Variants in PLAGL2 observed in about 807,000 individuals in gnomAD.
PLAGL2 encodes PLAG1 like zinc finger 2.
Under a neutral mutation model 29.0 loss-of-function variants are expected in PLAGL2, and 7 were observed. That is an observed-to-expected ratio of 0.24 (90% CI 0.14 to 0.45). PLAGL2 has a LOEUF of 0.45. Ranked by LOEUF, PLAGL2 falls within the 20% of genes least tolerant of loss-of-function variation. The probability of loss-of-function intolerance (pLI) is 0.99; values close to 1 mark genes in which losing one functional copy is unlikely to be tolerated. For missense variants in PLAGL2, 454 were observed against 648.2 expected, an observed-to-expected ratio of 0.70 and a Z score of 3.25; for synonymous variants, 234 against 266.0, an observed-to-expected ratio of 0.88 and a Z score of 1.17.
At position 32,196,424 on chromosome 20, in the gene PLAGL2, A is replaced by C. The variant is rs1192724248; in HGVS notation, c.*28T>G. 6.9e-7 allele frequency: 1 copy of C among 1,444,404 alleles called. No individual in the cohort carries two copies. Among genetic ancestry groups the C allele is most frequent in the Non-Finnish European group, 9.1e-7 (1 of 1,096,174 alleles). The allele number at this position is 1,444,404 out of a possible 1,614,324, so 89.5% of individuals were successfully genotyped here. A position where few individuals can be genotyped will look rare whatever the true frequency, so the allele number is the denominator to read the frequency against. The stretch of plus-strand genomic sequence containing the variant: ...GTACTAAGGCTCCATAACAGAGCCA[A>C]AAACTGAGCTGAGGGCCTCTGTGGG... On this transcript the variant is annotated 3_prime_UTR_variant, in exon 3 of 3. Transcript: ENST00000246229.
intron 2 of PLAGL2, among the ~76,000 whole-genome samples, chr20:32,201,397 GA>G (rs141648882): frequency 6.6e-6 from 1 of 151,990 alleles, no homozygotes; most frequent in East Asian, 1.9e-4. Flanking sequence ...CCAGCCTGGG[GA>G]ACACAGCCAC....
Position 32,201,907 on chromosome 20 carries a change from A to T in PLAGL2, c.260+12T>A. 1 of 1,607,278 alleles carries T rather than the reference A, an allele frequency of 6.2e-7. No individual in the cohort carries two copies. The highest frequency in any genetic ancestry group is 8.5e-7 in the Non-Finnish European group (1 of 1,174,730). On this transcript the variant is annotated intron_variant, in intron 2 of 2. Transcript: ENST00000246229. ...ACCTCAGGGCAGGAAGAGATATGAG[A>T]GTGTCACCTACCTATACAGCTTGTA...
rs2047214910 is a variant in PLAGL2 at position 32,193,943 on chromosome 20, G to C, written c.*2509C>G. 1 of 152,920 alleles carries C rather than the reference G, an allele frequency of 6.5e-6. No homozygotes were observed. The highest frequency in any genetic ancestry group is 2.1e-4 in the South Asian group (1 of 4,836). The allele number at this position is 152,920 out of a possible 1,614,324, so 9.5% of individuals were successfully genotyped here. On this transcript the variant is annotated 3_prime_UTR_variant, in exon 3 of 3. Coordinates refer to ENST00000246229, the MANE Select transcript of PLAGL2 (RefSeq NM_002657.3). ...TGCTGAGGACACTGAGAGGAGGAAAGGAAAGACAGGATAGATGGGAGGACA... is the reference window on the plus strand; with the variant it reads ...TGCTGAGGACACTGAGAGGAGGAAACGAAAGACAGGATAGATGGGAGGACA...
At chr20:32,198,354 G>A (rs1600374647) in intron 2 of PLAGL2, among the ~76,000 whole-genome samples, 1 of 152,160 alleles carries the variant, frequency 6.6e-6, no homozygotes, top group South Asian at 2.1e-4. Flanking sequence ...ATACCTAAAC[G>A]TGCAGTCTGG....
At chr20:32,206,262 C>G (rs557966497) in intron 1 of PLAGL2, among the ~76,000 whole-genome samples, 2 of 152,196 alleles carry the variant, frequency 1.3e-5, no homozygotes, top group Admixed American at 1.3e-4. Context: ...CCTTCCCCCC[C>G]GCCCACTCCA....
Position 32,193,775 on chromosome 20 carries a change from T to A in PLAGL2, c.*2677A>T, listed in dbSNP as rs1320038317. ...CAACCAGGCCACTAAGGCTTTTTTT[T>A]TCTTTCCCCCCGACCCCCCAGATTT... On this transcript the variant is annotated 3_prime_UTR_variant, in exon 3 of 3. Coordinates refer to ENST00000246229, the MANE Select transcript of PLAGL2 (RefSeq NM_002657.3). 1 of 153,500 alleles carries A rather than the reference T, an allele frequency of 6.5e-6. No individual in the cohort carries two copies. Among genetic ancestry groups the A allele is most frequent in the Non-Finnish European group, 1.5e-5 (1 of 68,836 alleles). The allele number at this position is 153,500 out of a possible 1,614,324, so 9.5% of individuals were successfully genotyped here.
At chr20:32,202,329 T>G in intron 1 of PLAGL2, 37 bp from the exon 2 acceptor site, 1 of 693,826 alleles carries the variant, frequency 1.4e-6, no homozygotes, top group Non-Finnish European at 2.4e-6. Context: ...GGGAGCCCAA[T>G]ACCATGAGAA....
chr20:32,198,631 C>A (rs372358737), intron 2 of PLAGL2, among the ~76,000 whole-genome samples: 1 of 152,096 alleles, frequency 6.6e-6, no homozygotes, highest in Non-Finnish European at 1.5e-5. Flanking sequence ...AGCAAGACTC[C>A]GTCTCTAAAT....
At chr20:32,201,042 G>T (rs1373494756) in intron 2 of PLAGL2, among the ~76,000 whole-genome samples, 1 of 152,208 alleles carries the variant, frequency 6.6e-6, no homozygotes, top group East Asian at 1.9e-4. Context: ...AGCTGCCCCA[G>T]TGGGCAACAG....
intron 1 of PLAGL2, among the ~76,000 whole-genome samples, chr20:32,204,830 A>T (rs1600378493): frequency 6.6e-6 from 1 of 152,222 alleles, no homozygotes; most frequent in South Asian, 2.1e-4. Context: ...CTGGTCTCAC[A>T]TTTTAATCTT....
In PLAGL2 at chr20:32,207,703, C is replaced by A. The variant is rs2047297788; in HGVS notation, c.-177G>T. 7.1e-6 allele frequency: 2 copies of A among 283,428 alleles called. No individual in the cohort carries two copies. Among genetic ancestry groups the A allele is most frequent in the Non-Finnish European group, 1.2e-5 (2 of 167,462 alleles). 17.6% of individuals were successfully genotyped at this position (283,428 alleles called of 1,614,324 possible). On this transcript the variant is annotated 5_prime_UTR_variant, in exon 1 of 3. Coordinates refer to ENST00000246229, the MANE Select transcript of PLAGL2 (RefSeq NM_002657.3). ...CGGGCTCCGCCAGGCCCCCTCAGGC[C>A]CCGGTAGTGGCGGCGGTCGGGCCAT... is the stretch of plus-strand genomic sequence containing the variant.
chr20:32,196,626 C>A lies in PLAGL2; in HGVS notation c.1317G>T (p.Met439Ile). ...NPPGATGGLV[M>I]GYSQAEAQPL... Reference sequence around the variant, plus strand: ...GCTGTGCCTCAGCCTGGGAGTAGCCCATGACCAGGCCTCCTGTGGCCCCAG... The same window carrying A: ...GCTGTGCCTCAGCCTGGGAGTAGCCAATGACCAGGCCTCCTGTGGCCCCAG... Residue 439 changes from methionine to isoleucine, a missense_variant, in exon 3 of 3, where the codon ATG becomes ATT. Physicochemically the swap from Met to Ile is conservative, Grantham distance 10. This residue lies in a region of PLAGL2 where 247 missense variants were observed against 350.3 expected (regional missense o/e 0.71). Transcript: ENST00000246229. The A allele has an allele frequency of 6.5e-7, 1 of 1,531,152 alleles. No individual in the cohort carries two copies. The highest frequency in any genetic ancestry group is 8.8e-7 in the Non-Finnish European group (1 of 1,142,066). 94.8% of individuals were successfully genotyped at this position (1,531,152 alleles called of 1,614,324 possible). A position where few individuals can be genotyped will look rare whatever the true frequency, so the allele number is the denominator to read the frequency against.
At position 32,196,300 on chromosome 20, in the gene PLAGL2, C is replaced by G. The variant is rs1344227281; in HGVS notation, c.*152G>C. 2.2e-6 allele frequency: 1 copy of G among 464,938 alleles called. No homozygotes were observed. Among genetic ancestry groups the G allele is most frequent in the Non-Finnish European group, 3.7e-6 (1 of 272,502 alleles). The allele number at this position is 464,938 out of a possible 1,614,324, so 28.8% of individuals were successfully genotyped here. A position where few individuals can be genotyped will look rare whatever the true frequency, so the allele number is the denominator to read the frequency against. On this transcript the variant is annotated 3_prime_UTR_variant, in exon 3 of 3. Coordinates refer to ENST00000246229, the MANE Select transcript of PLAGL2 (RefSeq NM_002657.3). ...CTGGAATCGATCCTAGAGCCTGAAC[C>G]CCCAAACCAAGTGCTCCTGTATACA... is the stretch of plus-strand genomic sequence containing the variant.
Position 32,196,485 on chromosome 20 carries a change from G to A in PLAGL2, c.1458C>T (p.Thr486=), listed in dbSNP as rs748587253. The change falls in exon 3 of 3, where the codon ACC becomes ACT. Residue 486 remains threonine, a synonymous_variant. Transcript: ENST00000246229. The stretch of plus-strand genomic sequence containing the variant: ...ATGCTTGATGGAAACGAGGCAGGGT[G>A]GTGCTACTCAGGCCAGACGTGAAGA... ...PPVFTSGLSS[T]TLPRFHQAFQ is the part of the protein sequence containing the mutation. 10 of 1,498,904 alleles carry A rather than the reference G, an allele frequency of 6.7e-6. No individual in the cohort carries two copies. The highest frequency in any genetic ancestry group is 8.9e-7 in the Non-Finnish European group (1 of 1,125,314). The allele number at this position is 1,498,904 out of a possible 1,614,324, so 92.9% of individuals were successfully genotyped here.
At position 32,196,722 on chromosome 20, in the gene PLAGL2, G is replaced by C. The variant is rs2047230613; in HGVS notation, c.1221C>G (p.Leu407=). 6.3e-7 allele frequency: 1 copy of C among 1,579,976 alleles called. No individual in the cohort carries two copies. The highest frequency in any genetic ancestry group is 1.3e-5 in the African/African-American group (1 of 74,304). ...GGGAGAAGTCCACATTAGCAGCGCA[G>C]AGGGCCTCAGAGAGGTTGGCGGGGC... The part of the protein sequence containing the change: ...AKSPANLSEA[L]CAANVDFSHL... The change falls in exon 3 of 3, where the codon CTC becomes CTG. Residue 407 remains leucine, a synonymous_variant. Transcript: ENST00000246229.
chr20:32,198,502 T>A (rs995361651), intron 2 of PLAGL2, among the ~76,000 whole-genome samples: 1 of 152,124 alleles, frequency 6.6e-6, no homozygotes, highest in Non-Finnish European at 1.5e-5. Flanking sequence ...TAGATGGGCA[T>A]GGCAGCATGC....
At chr20:32,207,085 T>C (rs555923413) in intron 1 of PLAGL2, among the ~76,000 whole-genome samples, 1 of 152,216 alleles carries the variant, frequency 6.6e-6, no homozygotes, top group East Asian at 1.9e-4. Flanking sequence ...CCTGGGAGTA[T>C]GGCCACTGAG....
Position 32,207,222 on chromosome 20 carries a change from G to A in PLAGL2, c.-115+419C>T, listed in dbSNP as rs188724475. Among the ~76,000 whole-genome samples, 18 of 152,284 alleles carry A rather than the reference G, an allele frequency of 1.2e-4. No individual in the cohort carries two copies. In the East Asian group the frequency reaches 2.9e-3, roughly 25 times the overall value. ...GAGCGGGCTATCTGGAGCAGGAAAG[G>A]GGGTTATGTGGGTCTGGGTAGGCGT... is the stretch of plus-strand genomic sequence containing the variant. On this transcript the variant is annotated intron_variant, in intron 1 of 2. Coordinates refer to ENST00000246229, the MANE Select transcript of PLAGL2 (RefSeq NM_002657.3).
intron 1 of PLAGL2, among the ~76,000 whole-genome samples, chr20:32,204,080 C>T (rs1173142624): frequency 6.6e-6 from 1 of 152,136 alleles, no homozygotes; most frequent in Admixed American, 6.5e-5. Context: ...GTTTGTAATA[C>T]CAGCAATTAC....
Sources: allele counts gnomAD v4.1 joint callset (sites outside exome capture counted in the v4.1 genomes callset), GRCh38; gene constraint gnomAD v4.1.1; regional missense constraint gnomAD v4.1.1; transcripts MANE v1.5; gene names NCBI Gene and HGNC (gene_info 2026-07-23, HGNC 2026-07-21).